HCN1: variants seen among roughly 807,000 people sequenced by gnomAD.
The protein encoded by HCN1 is potassium/sodium hyperpolarization-activated cyclic nucleotide-gated channel 1.
Under a neutral mutation model 78.9 loss-of-function variants are expected in HCN1, and 13 were observed. The observed-to-expected ratio is 0.16, with a 90% CI of 0.11 to 0.26. HCN1 has a LOEUF of 0.26. Ranked by LOEUF, HCN1 falls within the 10% of genes least tolerant of loss-of-function variation. HCN1 has a pLI of 1.00. For synonymous variants in HCN1, 552 were observed against 455.5 expected, an observed-to-expected ratio of 1.21 and a Z score of -2.70; for missense variants, 810 against 1,154.3, an observed-to-expected ratio of 0.70 and a Z score of 4.32.
chr5:45,366,219 TTA>T (rs888245054), intron 4 of HCN1, among the ~76,000 whole-genome samples: 3 of 151,294 alleles, frequency 2.0e-5, no homozygotes, highest in African/African-American at 7.3e-5. Flanking sequence ...TCTTTGTATG[TTA>T]TGTGTGTGTG....
chr5:45,682,741 T>A (rs1739727508), intron 1 of HCN1, among the ~76,000 whole-genome samples: 2 of 151,960 alleles, frequency 1.3e-5, no homozygotes, highest in Non-Finnish European at 2.9e-5. Flanking sequence ...GTATGATAAA[T>A]TGTGTAAATT....
At chr5:45,556,987 T>C (rs192889332) in intron 2 of HCN1, among the ~76,000 whole-genome samples, 2 of 152,150 alleles carry the variant, frequency 1.3e-5, no homozygotes, top group Admixed American at 6.6e-5. Context: ...CTTTGGACTT[T>C]CATAAAATTT....
At chr5:45,497,183 T>G (rs1377904406) in intron 2 of HCN1, among the ~76,000 whole-genome samples, 1 of 152,202 alleles carries the variant, frequency 6.6e-6, no homozygotes, top group Non-Finnish European at 1.5e-5. Flanking sequence ...ATTCTGTTGA[T>G]TTGGGATGGA....
At chr5:45,331,174 A>G (rs970402361) in intron 5 of HCN1, among the ~76,000 whole-genome samples, 1 of 151,228 alleles carries the variant, frequency 6.6e-6, no homozygotes. Context: ...GTAGAATTCA[A>G]CTTAGGAGAT....
At chr5:45,448,606 G>A (rs565176659) in intron 3 of HCN1, among the ~76,000 whole-genome samples, 8 of 152,180 alleles carry the variant, frequency 5.3e-5, no homozygotes, top group Non-Finnish European at 7.4e-5. Flanking sequence ...CTTTAGCCAC[G>A]TTTATGCATT....
chr5:45,598,611 A>G (rs1055540373), intron 2 of HCN1, among the ~76,000 whole-genome samples: 1 of 152,222 alleles, frequency 6.6e-6, no homozygotes, highest in African/African-American at 2.4e-5. Flanking sequence ...AAAAGAGATT[A>G]CCATCACAGT....
At chr5:45,509,405 G>A (rs1742365296) in intron 2 of HCN1, among the ~76,000 whole-genome samples, 2 of 151,656 alleles carry the variant, frequency 1.3e-5, no homozygotes, top group African/African-American at 2.4e-5. Context: ...AAAATAAAGG[G>A]AAAAAAAAGC....
At chr5:45,358,696 C>A (rs886304726) in intron 4 of HCN1, among the ~76,000 whole-genome samples, 12 of 152,064 alleles carry the variant, frequency 7.9e-5, no homozygotes, top group Admixed American at 5.9e-4. Flanking sequence ...TTTGAGATGG[C>A]TGTTCAGAGG....
chr5:45,349,313 C>T (rs1262303490), intron 5 of HCN1, among the ~76,000 whole-genome samples: 2 of 152,152 alleles, frequency 1.3e-5, no homozygotes, highest in African/African-American at 4.8e-5. Context: ...TAAAGATGTT[C>T]TTTGAAACCA....
intron 2 of HCN1, among the ~76,000 whole-genome samples, chr5:45,520,139 C>T (rs184794906): frequency 1.2e-4 from 18 of 152,148 alleles, no homozygotes; most frequent in African/African-American, 4.1e-4. Flanking sequence ...CATTCTGTCA[C>T]AGTACCTCAT....
chr5:45,359,416 A>AATATAT (rs377418463), intron 4 of HCN1, among the ~76,000 whole-genome samples: 10 of 142,562 alleles, frequency 7.0e-5, no homozygotes, highest in African/African-American at 2.3e-4. Context: ...AAAAAAAAAA[A>AATATAT]ATATATATAT....
chr5:45,267,407 A>G (rs958104281), intron 6 of HCN1, among the ~76,000 whole-genome samples, 154 bp from the exon 7 acceptor site: 2 of 152,218 alleles, frequency 1.3e-5, no homozygotes, highest in South Asian at 2.1e-4. Flanking sequence ...TCTGACAAAA[A>G]TATCCGACTG....
chr5:45,625,111 G>A (rs933397839), intron 2 of HCN1, among the ~76,000 whole-genome samples: 1 of 151,912 alleles, frequency 6.6e-6, no homozygotes, highest in African/African-American at 2.4e-5. Context: ...AGCTCTTTGG[G>A]AGCCAACATA....
intron 4 of HCN1, among the ~76,000 whole-genome samples, chr5:45,376,434 C>G (rs982658944): frequency 6.8e-6 from 1 of 147,624 alleles, no homozygotes. Flanking sequence ...TGGCCTTTAA[C>G]GACCAGGAAG....
At chr5:45,384,167 T>A (rs546748951) in intron 4 of HCN1, among the ~76,000 whole-genome samples, 30 of 152,172 alleles carry the variant, frequency 2.0e-4, no homozygotes, top group Non-Finnish European at 4.0e-4. Flanking sequence ...TACTCATGTT[T>A]CCTTTACATC....
intron 3 of HCN1, among the ~76,000 whole-genome samples, chr5:45,442,304 G>A (rs1297843682): frequency 6.6e-6 from 1 of 152,016 alleles, no homozygotes. Context: ...TGTTAAGGCA[G>A]GAGTCTGAGA....
At chr5:45,571,107 T>A (rs771917382) in intron 2 of HCN1, among the ~76,000 whole-genome samples, 33 of 152,154 alleles carry the variant, frequency 2.2e-4, no homozygotes, top group Non-Finnish European at 4.4e-4. Flanking sequence ...GCTTAGTTTC[T>A]AAAACTCTTT....
chr5:45,374,051 T>TGTATATATAATATAC (rs1747519335), intron 4 of HCN1, among the ~76,000 whole-genome samples: 1 of 111,278 alleles, frequency 9.0e-6, no homozygotes, highest in African/African-American at 3.6e-5. Context: ...ATATATTATA[T>TGTATATATAATATAC]ATATTATATA....
chr5:45,465,217 G>A (rs1299253212), intron 2 of HCN1, among the ~76,000 whole-genome samples: 2 of 151,954 alleles, frequency 1.3e-5, no homozygotes, highest in Non-Finnish European at 2.9e-5. Context: ...ACCTTTTATG[G>A]TGTACCACTT....
Sources: allele counts gnomAD v4.1 joint callset (sites outside exome capture counted in the v4.1 genomes callset), GRCh38; gene constraint gnomAD v4.1.1; transcripts MANE v1.5; gene names NCBI Gene and HGNC (gene_info 2026-07-23, HGNC 2026-07-21).